Variants in HMGA2 observed in about 807,000 individuals in gnomAD.
HMGA2 encodes the protein high mobility group AT-hook 2, also known as high mobility group protein HMGI-C.
Under a neutral mutation model 19.1 loss-of-function variants are expected in HMGA2, and 8 were observed. The ratio of observed to expected loss-of-function variants is 0.42; its 90% CI spans 0.25 to 0.76. The LOEUF is 0.76. Ranked by LOEUF, HMGA2 falls within the 30% of genes least tolerant of loss-of-function variation. HMGA2 has a pLI of 0.28. For missense variants in HMGA2, 109 were observed against 136.3 expected, an observed-to-expected ratio of 0.80 and a Z score of 1.00; for synonymous variants, 60 against 48.8, an observed-to-expected ratio of 1.23 and a Z score of -0.96.
intron 3 of HMGA2, among the ~76,000 whole-genome samples, chr12:65,895,439 AC>A (rs1292442898): frequency 6.6e-6 from 1 of 152,172 alleles, no homozygotes; most frequent in Non-Finnish European, 1.5e-5. Context: ...AAGCCTTTGT[AC>A]CTAAAGGTTC....
Position 65,943,902 on chromosome 12 carries a change from C to T in HMGA2, c.250-7481C>T, listed in dbSNP as rs139800851. On this transcript the variant is annotated intron_variant, in intron 3 of 4. Coordinates refer to ENST00000403681, the MANE Select transcript of HMGA2 (RefSeq NM_003483.6). ...TCAGAGAAAACCCTGACTAGCTACT[C>T]CTGGTAGATGGTTTCTCCTCTTTAC... is the stretch of plus-strand genomic sequence containing the variant. 3.3e-5 allele frequency among the ~76,000 whole-genome samples: 5 copies of T among 152,320 alleles called. No homozygotes were observed. In the East Asian group the frequency reaches 9.7e-4, roughly 29 times the overall value.
intron 4 of HMGA2, chr12:65,952,052 T>TA (rs375897687): frequency 1.5e-5 from 4 of 271,966 alleles, no homozygotes; most frequent in African/African-American, 6.5e-5. Flanking sequence ...ATAGAAACAT[T>TA]AAAAAAACAT....
intron 3 of HMGA2, among the ~76,000 whole-genome samples, chr12:65,907,639 G>A (rs1008806843): frequency 1.3e-5 from 2 of 152,094 alleles, no homozygotes; most frequent in East Asian, 1.9e-4. Flanking sequence ...ATAGGGAACC[G>A]AAAGATAGGG....
chr12:65,852,003 G>C (rs550310110), intron 3 of HMGA2, among the ~76,000 whole-genome samples: 1 of 151,714 alleles, frequency 6.6e-6, no homozygotes, highest in African/African-American at 2.4e-5. Context: ...AATAATATAA[G>C]AAAGTAATTT....
intron 3 of HMGA2, chr12:65,867,654 A>G (rs1263220539): frequency 3.2e-6 from 1 of 307,824 alleles, no homozygotes; most frequent in Non-Finnish European, 6.9e-6. Context: ...TTGTGGGGAC[A>G]CAGAGTTGAG....
chr12:65,846,087 T>G (rs1238653924), intron 3 of HMGA2, among the ~76,000 whole-genome samples: 2 of 152,232 alleles, frequency 1.3e-5, no homozygotes, highest in African/African-American at 4.8e-5. Flanking sequence ...GTTTTCAGAT[T>G]ATCTACATCC....
chr12:65,872,474 A>G (rs909986220), intron 3 of HMGA2, among the ~76,000 whole-genome samples: 1 of 152,146 alleles, frequency 6.6e-6, no homozygotes, highest in Admixed American at 6.5e-5. Context: ...TCTGTGTTTC[A>G]GTCACTGCCT....
At chr12:65,961,068 G>A (rs1876737023) in intron 4 of HMGA2, among the ~76,000 whole-genome samples, 1 of 152,162 alleles carries the variant, frequency 6.6e-6, no homozygotes, top group Admixed American at 6.5e-5. Context: ...GTTAGAAATT[G>A]AATAATTACA....
chr12:65,888,510 A>G (rs1262200810), intron 3 of HMGA2, among the ~76,000 whole-genome samples: 3 of 145,936 alleles, frequency 2.1e-5, no homozygotes, highest in African/African-American at 7.6e-5. Context: ...CCTTTGACTC[A>G]TAGACTCATT....
At chr12:65,844,984 T>C (rs1389810601) in intron 3 of HMGA2, among the ~76,000 whole-genome samples, 1 of 152,224 alleles carries the variant, frequency 6.6e-6, no homozygotes, top group African/African-American at 2.4e-5. Context: ...GTAGAATCAG[T>C]GACCATTTTG....
chr12:65,850,864 C>G (rs1256136132), intron 3 of HMGA2, among the ~76,000 whole-genome samples: 1 of 152,140 alleles, frequency 6.6e-6, no homozygotes, highest in Non-Finnish European at 1.5e-5. Flanking sequence ...CATGAGCATC[C>G]TTGACAGTGG....
intron 3 of HMGA2, among the ~76,000 whole-genome samples, chr12:65,890,156 C>T (rs1200116138): frequency 1.3e-5 from 2 of 152,120 alleles, no homozygotes; most frequent in Non-Finnish European, 2.9e-5. Context: ...ATCATTATGC[C>T]ACAAAGTTAG....
intron 3 of HMGA2, chr12:65,914,711 G>A (rs1351616459): frequency 3.4e-6 from 1 of 296,784 alleles, no homozygotes; most frequent in Non-Finnish European, 6.6e-6. Context: ...TCTTGTTTTT[G>A]TTGCTCAGGC....
chr12:65,871,667 A>T (rs1592406165), intron 3 of HMGA2, among the ~76,000 whole-genome samples: 1 of 152,176 alleles, frequency 6.6e-6, no homozygotes, highest in Admixed American at 6.5e-5. Context: ...TTTTCCCTCT[A>T]GGTGAGAGAA....
intron 3 of HMGA2, chr12:65,881,965 T>C (rs947071593): frequency 1.4e-6 from 1 of 699,360 alleles, no homozygotes; most frequent in Non-Finnish European, 2.6e-6. Context: ...TCCGTAGCCT[T>C]TGCAGCTGAA....
chr12:65,838,998 C>CTTTTTTTTT, intron 3 of HMGA2, among the ~76,000 whole-genome samples: 1 of 107,218 alleles, frequency 9.3e-6, no homozygotes, highest in African/African-American at 5.3e-5. Context: ...TTTTCTTTTT[C>CTTTTTTTTT]TTTTTTTTTT....
At chr12:65,915,201 T>C in intron 3 of HMGA2, 1 of 1,606,192 alleles carries the variant, frequency 6.2e-7, no homozygotes, top group Non-Finnish European at 8.5e-7. Context: ...ATTACATCTA[T>C]GAGCCTTATG....
intron 3 of HMGA2, among the ~76,000 whole-genome samples, chr12:65,928,386 T>G (rs950675327): frequency 3.3e-5 from 5 of 152,120 alleles, no homozygotes; most frequent in African/African-American, 1.2e-4. Context: ...AGTCAGTGAG[T>G]GAGTGGTGAG....
intron 4 of HMGA2, chr12:65,952,688 T>C (rs1876497832): frequency 6.0e-6 from 2 of 332,600 alleles, no homozygotes; most frequent in South Asian, 1.3e-4. Flanking sequence ...CAAATATATT[T>C]AGCCTCTCAT....
Sources: allele counts gnomAD v4.1 joint callset (sites outside exome capture counted in the v4.1 genomes callset), GRCh38; gene constraint gnomAD v4.1.1; transcripts MANE v1.5; gene names NCBI Gene and HGNC (gene_info 2026-07-23, HGNC 2026-07-21).